Variants in CLXN observed in about 807,000 individuals in gnomAD.
The protein encoded by CLXN is calaxin.
the CLXN span, among the ~76,000 whole-genome samples, chr8:48,729,522 C>CA: frequency 0.034 from 4,117 of 120,232 alleles, 80 homozygotes; most frequent in Middle Eastern, 0.062. Context: ...GACCCTGTCT[C>CA]AAAAAAAAAA....
chr8:48,733,312 G>T, the CLXN span, among the ~76,000 whole-genome samples: 1 of 152,014 alleles, frequency 6.6e-6, no homozygotes, highest in African/African-American at 2.4e-5. Context: ...AAGGATCAAA[G>T]GTTAGCCATA....
At chr8:48,724,157 A>G in the CLXN span, 3 of 152,206 alleles carry the variant, frequency 2.0e-5, no homozygotes, top group African/African-American at 7.2e-5. Context: ...TCAGGTGCTT[A>G]CAATCAGTAA....
the CLXN span, chr8:48,710,842 A>T: frequency 6.6e-6 from 1 of 152,242 alleles, no homozygotes. Context: ...ACCTATAAAT[A>T]GGGTGACAAT....
chr8:48,725,686 C>T, the CLXN span, among the ~76,000 whole-genome samples: 1 of 152,074 alleles, frequency 6.6e-6, no homozygotes, highest in African/African-American at 2.4e-5. Context: ...TGCCTCTAAT[C>T]CCAGCTAGTC....
chr8:48,721,806 G>A, the CLXN span, among the ~76,000 whole-genome samples: 1 of 152,120 alleles, frequency 6.6e-6, no homozygotes, highest in African/African-American at 2.4e-5. Flanking sequence ...ACTCAAAGTG[G>A]ATTAAAGACT....
the CLXN span, chr8:48,729,053 G>A: frequency 1.2e-6 from 2 of 1,610,078 alleles, no homozygotes; most frequent in Non-Finnish European, 1.7e-6. Context: ...TTTGGATCAG[G>A]AAGACATGGC....
chr8:48,716,847 A>G, the CLXN span, among the ~76,000 whole-genome samples: 1 of 152,206 alleles, frequency 6.6e-6, no homozygotes, highest in African/African-American at 2.4e-5. Context: ...CAATATATGC[A>G]TTGTGAAAGT....
chr8:48,715,264 C>A, the CLXN span: 1 of 152,128 alleles, frequency 6.6e-6, no homozygotes, highest in Non-Finnish European at 1.5e-5. Flanking sequence ...TAAAAGCAGG[C>A]AAGTAATATC....
the CLXN span, chr8:48,729,785 G>T: frequency 6.2e-7 from 1 of 1,613,388 alleles, no homozygotes; most frequent in Admixed American, 1.7e-5. Flanking sequence ...TCAGATGGCT[G>T]TTTGAGAAGG....
chr8:48,733,026 T>C, the CLXN span, among the ~76,000 whole-genome samples: 1 of 152,128 alleles, frequency 6.6e-6, no homozygotes, highest in African/African-American at 2.4e-5. Context: ...GATGGTGGTG[T>C]TGCAAGCAGA....
At chr8:48,713,393 G>A in the CLXN span, among the ~76,000 whole-genome samples, 182 of 152,266 alleles carry the variant, frequency 1.2e-3, 4 homozygotes, top group East Asian at 0.025. Context: ...CTGGGCGAGC[G>A]TCAGAGGTGA....
chr8:48,717,435 G>C, the CLXN span, among the ~76,000 whole-genome samples: 1 of 152,048 alleles, frequency 6.6e-6, no homozygotes, highest in Admixed American at 6.5e-5. Context: ...TACTATACCT[G>C]CAAAATTATA....
chr8:48,722,648 A>G, the CLXN span, among the ~76,000 whole-genome samples: 1 of 152,152 alleles, frequency 6.6e-6, no homozygotes, highest in South Asian at 2.1e-4. Context: ...TGCCCCGTGC[A>G]TTGCAGTTGG....
chr8:48,731,001 G>C, the CLXN span, among the ~76,000 whole-genome samples: 1 of 151,950 alleles, frequency 6.6e-6, no homozygotes, highest in African/African-American at 2.4e-5. Context: ...TTGATGCATA[G>C]AATTATATCT....
At chr8:48,726,196 CATCT>C in the CLXN span, among the ~76,000 whole-genome samples, 42 of 142,384 alleles carry the variant, frequency 2.9e-4, no homozygotes, top group East Asian at 2.9e-3. Flanking sequence ...CTCATCCATC[CATCT>C]ATCTACCCAC....
chr8:48,716,603 A>G, the CLXN span: 1 of 152,278 alleles, frequency 6.6e-6, no homozygotes, highest in African/African-American at 2.4e-5. Context: ...GAAGTTCAAC[A>G]AGGAGATAAA....
At chr8:48,732,083 T>C in the CLXN span, among the ~76,000 whole-genome samples, 14 of 152,126 alleles carry the variant, frequency 9.2e-5, no homozygotes, top group Non-Finnish European at 1.8e-4. Context: ...TATTCAGTAA[T>C]AGTTTGGAGG....
chr8:48,720,134 T>C, the CLXN span, among the ~76,000 whole-genome samples: 5 of 152,246 alleles, frequency 3.3e-5, no homozygotes, highest in Non-Finnish European at 4.4e-5. Flanking sequence ...AGGACCACTG[T>C]GATAATTGTG....
At chr8:48,712,726 C>T in the CLXN span, among the ~76,000 whole-genome samples, 11 of 152,056 alleles carry the variant, frequency 7.2e-5, no homozygotes, top group Admixed American at 2.0e-4. Context: ...TTTGGCCGGG[C>T]GTGGTGGCTC....
Sources: gnomAD v4.1 joint callset for allele counts (sites outside exome capture counted in the v4.1 genomes callset) on GRCh38, gnomAD v4.1.1 for gene constraint, MANE v1.5 for transcripts, NCBI Gene and HGNC (gene_info 2026-07-23, HGNC 2026-07-21) for gene names.